ADRA1B: variants seen among roughly 807,000 people sequenced by gnomAD.
ADRA1B encodes adrenoceptor alpha 1B, also known as alpha-1B adrenergic receptor.
A neutral mutation model predicts 17.9 loss-of-function variants in ADRA1B; 17 were observed. The observed-to-expected ratio is 0.95, with a 90% CI of 0.65 to 1.42. The LOEUF (loss-of-function observed/expected upper bound fraction) is 1.42, where lower values mean the gene tolerates loss of function less well. ADRA1B is among the 40% of genes most tolerant of loss of function. The pLI is 0.00. For missense variants in ADRA1B, 681 were observed against 722.1 expected, an observed-to-expected ratio of 0.94 and a Z score of 0.65; for synonymous variants, 366 against 327.6, an observed-to-expected ratio of 1.12 and a Z score of -1.27.
At chr5:159,987,317 C>G in the ADRA1B span, among the ~76,000 whole-genome samples, 1 of 152,260 alleles carries the variant, frequency 6.6e-6, no homozygotes, top group South Asian at 2.1e-4. Flanking sequence ...CGGGTCTCTC[C>G]TGCGGGCTCA....
intron 1 of ADRA1B, among the ~76,000 whole-genome samples, chr5:159,931,159 G>C (rs1247707227): frequency 6.6e-6 from 1 of 151,490 alleles, no homozygotes; most frequent in African/African-American, 2.4e-5. Flanking sequence ...AGAGGCTGAA[G>C]CAGGAGGATC....
At chr5:159,931,009 T>TTATTTTATATATTTAATAATATATA in intron 1 of ADRA1B, among the ~76,000 whole-genome samples, 1 of 147,364 alleles carries the variant, frequency 6.8e-6, no homozygotes, top group East Asian at 1.9e-4. Flanking sequence ...TTTATAATAT[T>TTATTTTATATATTTAATAATATATA]TATTATATAT....
intron 1 of ADRA1B, among the ~76,000 whole-genome samples, chr5:159,921,286 T>A (rs915381372): frequency 6.6e-6 from 1 of 152,126 alleles, no homozygotes; most frequent in Admixed American, 6.5e-5. Context: ...AGGAATGGAC[T>A]CCACCAAACA....
At chr5:159,984,772 G>GGTGGCGA in the ADRA1B span, among the ~76,000 whole-genome samples, 1 of 151,914 alleles carries the variant, frequency 6.6e-6, no homozygotes, top group African/African-American at 2.4e-5. Flanking sequence ...AGCCAGGCAT[G>GGTGGCGA]GTGGCGAGTG....
chr5:159,923,038 G>A (rs1754532409), intron 1 of ADRA1B, among the ~76,000 whole-genome samples: 1 of 152,272 alleles, frequency 6.6e-6, no homozygotes, highest in Non-Finnish European at 1.5e-5. Flanking sequence ...AGCTAATTCA[G>A]TGAAGGGGGC....
rs150480051 is a variant in ADRA1B, at chr5:159,938,098, T to C, written c.949+20244T>C. Among the ~76,000 whole-genome samples, 758 of 152,288 alleles carry C rather than the reference T, an allele frequency of 5.0e-3. 6 individuals are homozygous for C. Among genetic ancestry groups the C allele is most frequent in the African/African-American group, 0.017 (718 of 41,544 alleles). On this transcript the variant is annotated intron_variant, in intron 1 of 1. Transcript: ENST00000306675. ...ATTCATATCAAGGTTGTTAAAAGAATTAAATGAGATAATATATGTGAACAT... is the reference window on the plus strand; with the variant it reads ...ATTCATATCAAGGTTGTTAAAAGAACTAAATGAGATAATATATGTGAACAT...
chr5:159,866,736 A>T (rs549917939), intron 1 of ADRA1B: 3 of 152,226 alleles, frequency 2.0e-5, no homozygotes, highest in African/African-American at 7.2e-5. Context: ...TCAAACAGCT[A>T]GAAACTTCTG....
At chr5:159,946,571 C>T (rs1275129550) in intron 1 of ADRA1B, among the ~76,000 whole-genome samples, 1 of 152,218 alleles carries the variant, frequency 6.6e-6, no homozygotes, top group Non-Finnish European at 1.5e-5. Context: ...TATTCTCAGT[C>T]TTGCTTATCT....
At chr5:159,881,002 C>T (rs1309454942) in intron 1 of ADRA1B, among the ~76,000 whole-genome samples, 3 of 151,994 alleles carry the variant, frequency 2.0e-5, no homozygotes, top group African/African-American at 7.2e-5. Context: ...TTAAAGATTG[C>T]CTGGTTTCCA....
chr5:159,937,415 A>G (rs1001682237), intron 1 of ADRA1B, among the ~76,000 whole-genome samples: 2 of 151,644 alleles, frequency 1.3e-5, no homozygotes, highest in African/African-American at 4.8e-5. Flanking sequence ...AGTCGGCCTC[A>G]TGCCAGATCC....
chr5:159,878,184 G>T (rs1210988073), intron 1 of ADRA1B, among the ~76,000 whole-genome samples: 1 of 152,220 alleles, frequency 6.6e-6, no homozygotes, highest in Admixed American at 6.5e-5. Context: ...TCTTGAATCA[G>T]TCGGGTCCAG....
the ADRA1B span, among the ~76,000 whole-genome samples, chr5:159,983,755 G>T: frequency 1.3e-5 from 2 of 152,148 alleles, no homozygotes; most frequent in South Asian, 2.1e-4. Flanking sequence ...GGGGCAGAGA[G>T]ACAAGATTTT....
At chr5:159,922,831 T>C (rs879667733) in intron 1 of ADRA1B, among the ~76,000 whole-genome samples, 1 of 152,280 alleles carries the variant, frequency 6.6e-6, no homozygotes, top group Non-Finnish European at 1.5e-5. Flanking sequence ...GAAATACTTA[T>C]ATTTCATAGA....
chr5:159,886,709 T>C (rs912927234), intron 1 of ADRA1B, among the ~76,000 whole-genome samples: 1 of 152,054 alleles, frequency 6.6e-6, no homozygotes, highest in African/African-American at 2.4e-5. Flanking sequence ...CAAACAGAAA[T>C]GGGAAACCCA....
chr5:159,958,460 C>T (rs1013350267), intron 1 of ADRA1B, among the ~76,000 whole-genome samples: 1 of 152,056 alleles, frequency 6.6e-6, no homozygotes, highest in Non-Finnish European at 1.5e-5. Flanking sequence ...TTTTTAATTA[C>T]TATGATTCTA....
At chr5:159,918,255 G>C (rs1754386381) in intron 1 of ADRA1B, among the ~76,000 whole-genome samples, 1 of 152,232 alleles carries the variant, frequency 6.6e-6, no homozygotes, top group Admixed American at 6.5e-5. Flanking sequence ...AGTTACTGCA[G>C]ACGCGGCATT....
intron 1 of ADRA1B, among the ~76,000 whole-genome samples, chr5:159,956,925 T>G (rs1755560360): frequency 6.6e-6 from 1 of 152,080 alleles, no homozygotes; most frequent in South Asian, 2.1e-4. Flanking sequence ...CAGGCTGGAG[T>G]GCAATGGTGC....
chr5:159,902,344 G>T (rs1303984978), intron 1 of ADRA1B, among the ~76,000 whole-genome samples: 1 of 152,164 alleles, frequency 6.6e-6, no homozygotes, highest in Non-Finnish European at 1.5e-5. Context: ...GGGAGTTGTT[G>T]TTCAATGGGT....
downstream of ADRA1B, among the ~76,000 whole-genome samples, chr5:159,977,694 AGT>A (rs1755993691): frequency 3.3e-5 from 5 of 152,198 alleles, no homozygotes; most frequent in Admixed American, 1.3e-4. Context: ...ACTTGGCTGG[AGT>A]CAGAGGTTAA....
Sources: gnomAD v4.1 joint callset for allele counts (sites outside exome capture counted in the v4.1 genomes callset) on GRCh38, gnomAD v4.1.1 for gene constraint, MANE v1.5 for transcripts, NCBI Gene and HGNC (gene_info 2026-07-23, HGNC 2026-07-21) for gene names.